The following CRB1 variants were observed in gnomAD, a reference collection of about 807,000 sequenced individuals.
The protein encoded by CRB1 is protein crumbs homolog 1.
A neutral mutation model predicts 120.0 loss-of-function variants in CRB1; 83 were observed. That is an observed-to-expected ratio of 0.69 (90% CI 0.58 to 0.83). The LOEUF (loss-of-function observed/expected upper bound fraction) is 0.83. Among genes scored for constraint, CRB1 ranks in the 40% least tolerant of loss-of-function variants. CRB1 has a pLI of 0.00. For missense variants in CRB1, 1,699 were observed against 1,687.6 expected (o/e 1.01, Z -0.12); for synonymous variants, 625 against 612.5 (o/e 1.02, Z -0.30).
chr1:197,470,881 A>G (rs1666950295), intron 11 of CRB1, among the ~76,000 whole-genome samples: 1 of 152,242 alleles, frequency 6.6e-6, no homozygotes, highest in Non-Finnish European at 1.5e-5. Context: ...ATGTCACAGC[A>G]CATGTCAAAT....
intron 1 of CRB1, among the ~76,000 whole-genome samples, chr1:197,298,780 G>A (rs1656690722): frequency 6.6e-6 from 1 of 152,000 alleles, no homozygotes; most frequent in Admixed American, 6.6e-5. Flanking sequence ...ATTGGGAACA[G>A]AACAAATGGC....
chr1:197,263,058 C>T, the CRB1 span, among the ~76,000 whole-genome samples: 9 of 152,142 alleles, frequency 5.9e-5, no homozygotes. Context: ...AATGGGATTG[C>T]TAGATCAAAT....
chr1:197,327,780 C>A (rs2125302487), intron 1 of CRB1, among the ~76,000 whole-genome samples: 1 of 152,284 alleles, frequency 6.6e-6, no homozygotes, highest in African/African-American at 2.4e-5. Flanking sequence ...CTAGGGGAGG[C>A]AGGAGACTGG....
intron 11 of CRB1, among the ~76,000 whole-genome samples, chr1:197,446,088 G>A (rs1173104990): frequency 6.6e-6 from 1 of 152,002 alleles, no homozygotes; most frequent in Non-Finnish European, 1.5e-5. Context: ...CACTCAGGAG[G>A]CCGAGGAAGG....
At chr1:197,429,387 C>T (rs962812234) in intron 7 of CRB1, 62 bp from the exon 8 acceptor site, 52 of 1,567,600 alleles carry the variant, frequency 3.3e-5, no homozygotes, top group Middle Eastern at 1.7e-4. Flanking sequence ...GTGGTTTCAC[C>T]GTCAACATTT....
At chr1:197,281,294 A>G (rs1197469851) in intron 1 of CRB1, among the ~76,000 whole-genome samples, 1 of 151,876 alleles carries the variant, frequency 6.6e-6, no homozygotes, top group Non-Finnish European at 1.5e-5. Context: ...AAGGCTTTAA[A>G]TGCTATAATG....
chr1:197,434,530 T>C (rs1169636152), intron 8 of CRB1, among the ~76,000 whole-genome samples, 176 bp from the exon 9 acceptor site: 5 of 152,102 alleles, frequency 3.3e-5, no homozygotes, highest in Non-Finnish European at 7.4e-5. Flanking sequence ...TAATAATACC[T>C]GTATTCAAAA....
chr1:197,450,367 T>C (rs944784259), intron 11 of CRB1, among the ~76,000 whole-genome samples: 1 of 152,124 alleles, frequency 6.6e-6, no homozygotes, highest in Non-Finnish European at 1.5e-5. Context: ...GGGGAAAACA[T>C]TGATGAATGC....
intron 5 of CRB1, among the ~76,000 whole-genome samples, chr1:197,372,933 T>A (rs1238606354): frequency 1.3e-5 from 2 of 152,148 alleles, no homozygotes; most frequent in Admixed American, 1.3e-4. Flanking sequence ...CAACTGCAGC[T>A]GCTCCTAGAT....
intron 11 of CRB1, 87 bp from the exon 12 acceptor site, chr1:197,477,577 G>T (rs1223634636): frequency 2.4e-6 from 3 of 1,260,084 alleles, no homozygotes; most frequent in South Asian, 2.5e-5. Flanking sequence ...GCTCTGGTTG[G>T]TCTTCATTCC....
At chr1:197,243,132 G>A in the CRB1 span, among the ~76,000 whole-genome samples, 1 of 151,876 alleles carries the variant, frequency 6.6e-6, no homozygotes, top group Non-Finnish European at 1.5e-5. Context: ...ACCAGCTCCT[G>A]GATTCATTGA....
chr1:197,248,583 G>T, the CRB1 span, among the ~76,000 whole-genome samples: 3 of 151,940 alleles, frequency 2.0e-5, no homozygotes, highest in Admixed American at 1.3e-4. Flanking sequence ...AGGGCTTAAA[G>T]ATTCTCTGTT....
chr1:197,264,872 G>A (rs563668639), upstream of CRB1, among the ~76,000 whole-genome samples: 2 of 151,598 alleles, frequency 1.3e-5, no homozygotes, highest in Non-Finnish European at 2.9e-5. Context: ...TGATCCACCC[G>A]CCTCAGCCTC....
the CRB1 span, among the ~76,000 whole-genome samples, chr1:197,209,127 G>A: frequency 2.6e-5 from 4 of 152,138 alleles, no homozygotes; most frequent in African/African-American, 9.7e-5. Flanking sequence ...GCAGGGCTGA[G>A]AACTTACCCT....
At chr1:197,340,311 T>A (rs955978409) in intron 2 of CRB1, among the ~76,000 whole-genome samples, 1 of 152,104 alleles carries the variant, frequency 6.6e-6, no homozygotes, top group Non-Finnish European at 1.5e-5. Context: ...GCCTGGAGTC[T>A]TGAGATACAG....
At position 197,421,440 on chromosome 1, in the gene CRB1, C is replaced by CCTTA. The variant is rs878853364; in HGVS notation, c.1612_1613insCTTA (p.Leu538ProfsTer14). 2 of 1,614,184 alleles carry CCTTA rather than the reference C, an allele frequency of 1.2e-6. No homozygotes were observed. Among genetic ancestry groups the CCTTA allele is most frequent in the Non-Finnish European group, 8.5e-7 (1 of 1,180,038 alleles). ...GGATGTGTTTGTGAAGCTGGAGCTG[C>CCTTA]TAAGTGGCTACATTCACTTATCAAT... On this transcript the variant is annotated frameshift_variant, in exon 6 of 12. Coordinates refer to ENST00000367400, the MANE Select transcript of CRB1 (RefSeq NM_201253.3). LOFTEE classifies it high-confidence loss of function.
chr1:197,380,784 T>C (rs1353926012), intron 5 of CRB1, among the ~76,000 whole-genome samples: 1 of 152,200 alleles, frequency 6.6e-6, no homozygotes, highest in African/African-American at 2.4e-5. Context: ...TGAATTCTCA[T>C]AGTTGGCTCT....
upstream of CRB1, among the ~76,000 whole-genome samples, chr1:197,263,219 T>C (rs1654553799): frequency 1.3e-5 from 2 of 152,116 alleles, no homozygotes; most frequent in Admixed American, 6.5e-5. Context: ...AAAAATATTC[T>C]TTCTGACTGG....
chr1:197,249,173 T>C, the CRB1 span, among the ~76,000 whole-genome samples: 1 of 151,966 alleles, frequency 6.6e-6, no homozygotes. Flanking sequence ...TACAATATCC[T>C]TTGGAGATTT....
Sources: gnomAD v4.1 joint callset for allele counts (sites outside exome capture counted in the v4.1 genomes callset) on GRCh38, gnomAD v4.1.1 for gene constraint, MANE v1.5 for transcripts, NCBI Gene and HGNC (gene_info 2026-07-23, HGNC 2026-07-21) for gene names.